The following ANKRD12 variants were observed in gnomAD, a reference collection of about 807,000 sequenced individuals.
ANKRD12 encodes ankyrin repeat domain-containing protein 12.
A neutral mutation model predicts 183.4 loss-of-function variants in ANKRD12; 85 were observed. The observed-to-expected ratio is 0.46, with a 90% CI of 0.39 to 0.56. ANKRD12 has a LOEUF of 0.56. ANKRD12 is among the 20% of genes least tolerant of loss of function. The probability of loss-of-function intolerance (pLI) is 0.00; values close to 1 mark genes in which losing one functional copy is unlikely to be tolerated. For synonymous variants in ANKRD12, 914 were observed against 800.2 expected (o/e 1.14, Z -2.40); for missense variants, 2,405 against 2,357.1 (o/e 1.02, Z -0.42).
chr18:9,227,178 T>C (rs545486206), intron 8 of ANKRD12, among the ~76,000 whole-genome samples: 1 of 152,046 alleles, frequency 6.6e-6, no homozygotes, highest in Non-Finnish European at 1.5e-5. Context: ...GAAAAAGATA[T>C]GTAATATATA....
At chr18:9,268,728 C>G (rs1179703332) in intron 10 of ANKRD12, among the ~76,000 whole-genome samples, 1 of 152,206 alleles carries the variant, frequency 6.6e-6, no homozygotes, top group Non-Finnish European at 1.5e-5. Context: ...GGCATGCTCT[C>G]TCTCACCACT....
intron 3 of ANKRD12, among the ~76,000 whole-genome samples, chr18:9,202,971 T>A (rs2144528976): frequency 6.6e-6 from 1 of 152,338 alleles, no homozygotes; most frequent in African/African-American, 2.4e-5. Context: ...GCTTAGTTTA[T>A]TCACTGTGGT....
intron 10 of ANKRD12, among the ~76,000 whole-genome samples, chr18:9,270,880 G>A (rs1251524102): frequency 6.6e-6 from 1 of 152,096 alleles, no homozygotes; most frequent in African/African-American, 2.4e-5. Flanking sequence ...AATACTTGAG[G>A]GCAACTTTAA....
intron 8 of ANKRD12, among the ~76,000 whole-genome samples, chr18:9,224,242 CA>C (rs372111661): frequency 3.8e-4 from 56 of 148,888 alleles, no homozygotes; most frequent in African/African-American, 1.1e-3. Flanking sequence ...TAGATCTTAC[CA>C]AAAAAAAATT....
At chr18:9,157,604 T>TATATATATATGTA (rs1491418837) in intron 1 of ANKRD12, among the ~76,000 whole-genome samples, 16 of 45,916 alleles carry the variant, frequency 3.5e-4, no homozygotes, top group Non-Finnish European at 1.0e-3. Context: ...TATATATGTA[T>TATATATATATGTA]TTTTTTTTTT....
At chr18:9,234,279 G>A (rs774900032) in intron 8 of ANKRD12, among the ~76,000 whole-genome samples, 2 of 152,138 alleles carry the variant, frequency 1.3e-5, no homozygotes, top group South Asian at 2.1e-4. Flanking sequence ...TGTTTGGAGC[G>A]GCAGAAGGGA....
At chr18:9,267,967 A>G (rs956619203) in intron 10 of ANKRD12, among the ~76,000 whole-genome samples, 3 of 152,190 alleles carry the variant, frequency 2.0e-5, no homozygotes, top group Admixed American at 6.5e-5. Flanking sequence ...AGAAACACAA[A>G]CTACCATCAG....
At chr18:9,154,861 C>T (rs1396575800) in intron 1 of ANKRD12, among the ~76,000 whole-genome samples, 1 of 152,094 alleles carries the variant, frequency 6.6e-6, no homozygotes, top group Non-Finnish European at 1.5e-5. Flanking sequence ...CTCTGTAGTC[C>T]TTTTTGGTTT....
At chr18:9,181,499 A>G (rs1199300934) in intron 1 of ANKRD12, among the ~76,000 whole-genome samples, 1 of 152,208 alleles carries the variant, frequency 6.6e-6, no homozygotes, top group Non-Finnish European at 1.5e-5. Context: ...TTGTAGCCCA[A>G]GTAATACTCC....
chr18:9,271,202 G>A (rs2039584319), intron 10 of ANKRD12, among the ~76,000 whole-genome samples: 1 of 152,088 alleles, frequency 6.6e-6, no homozygotes, highest in Admixed American at 6.6e-5. Context: ...CTCCCAAATA[G>A]CTTGGACTAC....
Position 9,211,585 on chromosome 18 carries a change from T to G in ANKRD12, c.453T>G (p.Asp151Glu). The G allele has an allele frequency of 6.2e-7, 1 of 1,613,528 alleles. No homozygotes were observed. Among genetic ancestry groups the G allele is most frequent in the Non-Finnish European group, 8.5e-7 (1 of 1,179,646 alleles). ...MQMTARDNSP[D>E]STPNHPSQTT... is the part of the protein sequence containing the mutation. ...TGCTAACTTTCTTCTTTCTTACAGATTCCACACCAAATCATCCATCACAAA... is the reference window on the plus strand; with the variant it reads ...TGCTAACTTTCTTCTTTCTTACAGAGTCCACACCAAATCATCCATCACAAA... Residue 151 changes from aspartate to glutamate, a missense_variant and splice_region_variant, in exon 6 of 13, where the codon GAT becomes GAG. By Grantham distance (45) the Asp-to-Glu change is conservative (BLOSUM62 2). Around this residue, in one of 7 missense-constraint regions of ANKRD12, gnomAD observed 35 missense variants for 37.5 expected, o/e 0.93. Transcript: ENST00000262126.
At chr18:9,230,990 AT>A (rs1374419164) in intron 8 of ANKRD12, among the ~76,000 whole-genome samples, 1 of 151,226 alleles carries the variant, frequency 6.6e-6, no homozygotes, top group Non-Finnish European at 1.5e-5. Flanking sequence ...TGTTTCAAGA[AT>A]TTTTTTTATT....
intron 10 of ANKRD12, among the ~76,000 whole-genome samples, chr18:9,271,412 G>A (rs557188465): frequency 1.6e-3 from 239 of 152,210 alleles, no homozygotes; most frequent in African/African-American, 5.4e-3. Flanking sequence ...TTAGCAACTC[G>A]GGAGGCTGAG....
chr18:9,178,385 T>G (rs1248395904), intron 1 of ANKRD12, among the ~76,000 whole-genome samples: 1 of 152,162 alleles, frequency 6.6e-6, no homozygotes, highest in Non-Finnish European at 1.5e-5. Flanking sequence ...AGACCGTTTA[T>G]TGAAAGGAAT....
At chr18:9,231,823 T>TC (rs2037068660) in intron 8 of ANKRD12, among the ~76,000 whole-genome samples, 1 of 27,810 alleles carries the variant, frequency 3.6e-5, no homozygotes, top group South Asian at 1.3e-3. Flanking sequence ...AGACTCTGTC[T>TC]CAAAAAAAAA....
In ANKRD12 at chr18:9,258,684, AAG is replaced by A. The variant is rs764434008; in HGVS notation, c.5421_5422del (p.Lys1808AsnfsTer16). 6.2e-7 allele frequency: 1 copy of A among 1,613,928 alleles called. No homozygotes were observed. The highest frequency in any genetic ancestry group is 8.5e-7 in the Non-Finnish European group (1 of 1,179,900). On this transcript the variant is annotated frameshift_variant, in exon 9 of 13. Coordinates refer to ENST00000262126, the MANE Select transcript of ANKRD12 (RefSeq NM_015208.5). LOFTEE classifies it high-confidence loss of function. ...GTGAGTCCCTCTTTACTACAAGCAA[AAG>A]AGAAAACTCAGCAATCTCTGGCAGC...
intron 1 of ANKRD12, among the ~76,000 whole-genome samples, chr18:9,156,818 T>C (rs905710423): frequency 1.3e-5 from 2 of 152,172 alleles, no homozygotes; most frequent in African/African-American, 2.4e-5. Context: ...AAAAAAATTG[T>C]GACACATGCT....
intron 8 of ANKRD12, among the ~76,000 whole-genome samples, chr18:9,251,747 T>C (rs1256788396): frequency 6.6e-6 from 1 of 151,996 alleles, no homozygotes; most frequent in African/African-American, 2.4e-5. Flanking sequence ...TGAGCCACGA[T>C]CACGCCACTG....
intron 1 of ANKRD12, among the ~76,000 whole-genome samples, chr18:9,170,778 G>T (rs879046831): frequency 6.6e-6 from 1 of 152,034 alleles, no homozygotes; most frequent in Admixed American, 6.6e-5. Flanking sequence ...GAGGAGAGGC[G>T]CTCTGATTTT....
Sources: allele counts gnomAD v4.1 joint callset (sites outside exome capture counted in the v4.1 genomes callset), GRCh38; gene constraint gnomAD v4.1.1; regional missense constraint gnomAD v4.1.1; transcripts MANE v1.5; gene names NCBI Gene and HGNC (gene_info 2026-07-23, HGNC 2026-07-21).